WDR27: variants seen among roughly 807,000 people sequenced by gnomAD.
WDR27 encodes the protein WD repeat domain 27.
Under a neutral mutation model 114.4 loss-of-function variants are expected in WDR27, and 100 were observed. The ratio of observed to expected loss-of-function variants is 0.87; its 90% CI spans 0.74 to 1.03. The LOEUF (loss-of-function observed/expected upper bound fraction) is 1.03, where lower values mean the gene tolerates loss of function less well. Ranked by LOEUF, WDR27 falls within the 50% of genes least tolerant of loss-of-function variation. The pLI is 0.00. For missense variants in WDR27, 1,129 were observed against 1,092.9 expected (o/e 1.03, Z -0.47); for synonymous variants, 449 against 423.1 (o/e 1.06, Z -0.75).
At chr6:169,637,948 G>A (rs1404583155) in intron 18 of WDR27, among the ~76,000 whole-genome samples, 2 of 152,196 alleles carry the variant, frequency 1.3e-5, no homozygotes, top group African/African-American at 4.8e-5. Context: ...GTATGTAAGT[G>A]TGCGTATGTG....
At chr6:169,678,032 G>A (rs1208345121) in intron 2 of WDR27, among the ~76,000 whole-genome samples, 1 of 152,240 alleles carries the variant, frequency 6.6e-6, no homozygotes, top group African/African-American at 2.4e-5. Context: ...CTTCTACTAG[G>A]GCAGTGCCAA....
At position 169,613,461 on chromosome 6, in the gene WDR27, A is replaced by G. The variant is rs983976908; in HGVS notation, c.2321+98T>C. The G allele has an allele frequency of 5.7e-5, 59 of 1,027,458 alleles. No homozygotes were observed. In the East Asian group the frequency reaches 1.5e-3, roughly 25 times the overall value. The allele number at this position is 1,027,458 out of a possible 1,614,324, so 63.6% of individuals were successfully genotyped here. A position where few individuals can be genotyped will look rare whatever the true frequency, so the allele number is the denominator to read the frequency against. On this transcript the variant is annotated intron_variant, in intron 22 of 25. Transcript: ENST00000448612. Reference sequence around the variant, plus strand: ...GTCTTAGATTAGTCAGTGTGCACAGATTAACCACAACCTCATCACATTCGG... The same window carrying G: ...GTCTTAGATTAGTCAGTGTGCACAGGTTAACCACAACCTCATCACATTCGG...
intron 19 of WDR27, among the ~76,000 whole-genome samples, chr6:169,635,757 T>C (rs1388698939): frequency 6.6e-6 from 1 of 152,034 alleles, no homozygotes; most frequent in Non-Finnish European, 1.5e-5. Flanking sequence ...AAACGTAACT[T>C]TGATTAAGAA....
intron 25 of WDR27, among the ~76,000 whole-genome samples, chr6:169,568,432 C>G (rs1298909973): frequency 6.6e-6 from 1 of 152,080 alleles, no homozygotes; most frequent in East Asian, 1.9e-4. Context: ...AATGAGACAG[C>G]CATGCCCAGG....
chr6:169,644,958 G>A (rs1281788433), intron 16 of WDR27, among the ~76,000 whole-genome samples: 1 of 62,710 alleles, frequency 1.6e-5, no homozygotes, highest in Non-Finnish European at 2.6e-5. Context: ...GCAGTGAGCC[G>A]AGATCCCGCC....
At chr6:169,504,722 C>T (rs529244217) in intron 25 of WDR27, among the ~76,000 whole-genome samples, 3 of 152,168 alleles carry the variant, frequency 2.0e-5, no homozygotes, top group South Asian at 4.2e-4. Flanking sequence ...GATCCTGCCT[C>T]GCTTGGGAAA....
rs971976277 is a variant in WDR27, at chr6:169,656,513, G to T, written c.1402+1763C>A. 5.3e-5 allele frequency among the ~76,000 whole-genome samples: 8 copies of T among 152,214 alleles called. No homozygotes were observed. In the Middle Eastern group the frequency reaches 0.02, roughly 388 times the overall value. ...AGGGCCAAGAGAGACCAGGCGGGGTGGGGGGAAAGCATGTGAGGCGGCTTG... is the reference window on the plus strand; with the variant it reads ...AGGGCCAAGAGAGACCAGGCGGGGTTGGGGGAAAGCATGTGAGGCGGCTTG... On this transcript the variant is annotated intron_variant, in intron 13 of 25. Transcript: ENST00000448612.
At chr6:169,605,221 G>A (rs1173685401) in intron 22 of WDR27, among the ~76,000 whole-genome samples, 3 of 144,658 alleles carry the variant, frequency 2.1e-5, no homozygotes, top group African/African-American at 7.8e-5. Context: ...AAAACCTAAA[G>A]ACTCCATCAA....
intron 14 of WDR27, among the ~76,000 whole-genome samples, chr6:169,649,966 T>C (rs1821859853): frequency 8.0e-6 from 1 of 124,738 alleles, no homozygotes; most frequent in Non-Finnish European, 1.7e-5. Flanking sequence ...CCACCATCCA[T>C]GCACCCATGC....
At chr6:169,564,785 C>T (rs1183992276) in intron 25 of WDR27, among the ~76,000 whole-genome samples, 4 of 152,202 alleles carry the variant, frequency 2.6e-5, no homozygotes, top group African/African-American at 9.6e-5. Context: ...TGGCTCCCAT[C>T]TCCCAGCCCA....
intron 23 of WDR27, among the ~76,000 whole-genome samples, chr6:169,590,082 G>A (rs1398365581): frequency 6.7e-6 from 1 of 150,266 alleles, no homozygotes; most frequent in Non-Finnish European, 1.5e-5. Context: ...ATGTACTACT[G>A]AAGAAGAGAA....
At chr6:169,677,616 TTG>T (rs1035973718) in intron 2 of WDR27, among the ~76,000 whole-genome samples, 3 of 152,220 alleles carry the variant, frequency 2.0e-5, no homozygotes, top group Non-Finnish European at 4.4e-5. Flanking sequence ...CTTAAGATAT[TTG>T]TGTAACTAAA....
chr6:169,653,874 C>T (rs548166564), intron 13 of WDR27, among the ~76,000 whole-genome samples: 84 of 152,340 alleles, frequency 5.5e-4, no homozygotes, highest in Non-Finnish European at 9.1e-4. Context: ...TCACCTTCTC[C>T]GACTAGCCCA....
chr6:169,674,746 G>A (rs375758246), intron 2 of WDR27, among the ~76,000 whole-genome samples: 66 of 152,234 alleles, frequency 4.3e-4, no homozygotes, highest in South Asian at 4.2e-3. Flanking sequence ...TCTTTCATGC[G>A]CGTCCATGTG....
chr6:169,544,149 A>G (rs1797157771), intron 25 of WDR27, among the ~76,000 whole-genome samples: 1 of 152,180 alleles, frequency 6.6e-6, no homozygotes, highest in Non-Finnish European at 1.5e-5. Context: ...CTTAATGGTG[A>G]TGATTGGATG....
At chr6:169,640,662 C>G (rs1818918830) in intron 17 of WDR27, among the ~76,000 whole-genome samples, 1 of 152,270 alleles carries the variant, frequency 6.6e-6, no homozygotes. Flanking sequence ...TCACAGACAC[C>G]TGCTGCAGGG....
At chr6:169,532,559 C>T (rs187696970) in intron 25 of WDR27, among the ~76,000 whole-genome samples, 3 of 152,106 alleles carry the variant, frequency 2.0e-5, no homozygotes, top group Admixed American at 2.0e-4. Flanking sequence ...AAATACATTG[C>T]CAGTCTTTTA....
chr6:169,662,510 C>G lies in WDR27; in HGVS notation c.905-86G>C, dbSNP rs1216397877. 3.3e-6 allele frequency: 5 copies of G among 1,523,028 alleles called. No homozygotes were observed. The Admixed American group carries it at 7.5e-5, about 23-fold the overall frequency. 94.3% of individuals were successfully genotyped at this position (1,523,028 alleles called of 1,614,324 possible). ...GGCTGAGGACTGCCACACAGAGATG[C>G]TGCAGTGAATGTGCACCGTGGAGTC... On this transcript the variant is annotated intron_variant, in intron 8 of 25. Transcript: ENST00000448612.
chr6:169,513,144 C>G (rs1029313198), intron 25 of WDR27, among the ~76,000 whole-genome samples: 5 of 152,126 alleles, frequency 3.3e-5, no homozygotes, highest in Admixed American at 1.3e-4. Flanking sequence ...AGCAGTCACC[C>G]TGTGGTGCTT....
Sources: allele counts gnomAD v4.1 joint callset (sites outside exome capture counted in the v4.1 genomes callset), GRCh38; gene constraint gnomAD v4.1.1; transcripts MANE v1.5; gene names NCBI Gene and HGNC (gene_info 2026-07-23, HGNC 2026-07-21).